Variants in CAMTA1 observed in about 807,000 individuals in gnomAD.
CAMTA1 encodes calmodulin binding transcription activator 1.
CAMTA1 carries 27 observed loss-of-function variants against 170.9 expected under a neutral mutation model. The observed-to-expected ratio is 0.16, with a 90% confidence interval of 0.12 to 0.22. CAMTA1 has a LOEUF of 0.22. Among genes scored for constraint, CAMTA1 ranks in the 10% least tolerant of loss-of-function variants. CAMTA1 has a pLI of 1.00. For synonymous variants in CAMTA1, 833 were observed against 891.5 expected, an observed-to-expected ratio of 0.93 and a Z score of 1.17; for missense variants, 1,619 against 2,217.2, an observed-to-expected ratio of 0.73 and a Z score of 5.42.
chr1:7,720,005 C>G (rs371211996), intron 11 of CAMTA1, among the ~76,000 whole-genome samples: 1 of 152,238 alleles, frequency 6.6e-6, no homozygotes, highest in Admixed American at 6.5e-5. Flanking sequence ...TTGACGATTG[C>G]TTCTTCATTC....
At chr1:7,637,288 G>A (rs1268829908) in intron 6 of CAMTA1, among the ~76,000 whole-genome samples, 3 of 152,224 alleles carry the variant, frequency 2.0e-5, no homozygotes, top group East Asian at 1.9e-4. Context: ...TGGCATCTCC[G>A]CTCCCTCCTG....
At chr1:6,972,083 AG>A (rs1692641908) in intron 3 of CAMTA1, among the ~76,000 whole-genome samples, 1 of 152,218 alleles carries the variant, frequency 6.6e-6, no homozygotes. Context: ...GAACTGGGTC[AG>A]AAGTGTCCTT....
At chr1:7,161,982 G>C (rs6678950) in intron 4 of CAMTA1, among the ~76,000 whole-genome samples, 99,785 of 152,080 alleles carry the variant, frequency 0.66, 33,371 homozygotes, top group African/African-American at 0.77. Context: ...AGATCCTCTC[G>C]CCTGAGAATA....
chr1:7,253,254 T>C (rs1247579803), intron 5 of CAMTA1, among the ~76,000 whole-genome samples: 1 of 152,178 alleles, frequency 6.6e-6, no homozygotes, highest in African/African-American at 2.4e-5. Flanking sequence ...GAGCTGGATG[T>C]GAAGCATCAC....
intron 4 of CAMTA1, among the ~76,000 whole-genome samples, chr1:7,102,209 A>G (rs982510447): frequency 1.3e-5 from 2 of 152,080 alleles, no homozygotes; most frequent in African/African-American, 4.8e-5. Flanking sequence ...TATACTGGCT[A>G]CTCCTGACCT....
At chr1:7,518,313 T>C (rs1208846487) in intron 6 of CAMTA1, among the ~76,000 whole-genome samples, 14 of 151,934 alleles carry the variant, frequency 9.2e-5, no homozygotes, top group Admixed American at 9.2e-4. Flanking sequence ...AGCTGCCCTA[T>C]GGCTTCCATC....
At position 7,226,208 on chromosome 1, in the gene CAMTA1, A is replaced by G. The variant is rs547429825; in HGVS notation, c.303-23283A>G. Among the ~76,000 whole-genome samples the G allele has an allele frequency of 5.9e-5, 9 of 152,300 alleles. No individual in the cohort carries two copies. The Middle Eastern group carries it at 0.01, about 173-fold the overall frequency. ...GGCCAAGGTTTATTGCAGTAAAAGG[A>G]GGTGACACAAAGCTCACTGCCTCCC... is the stretch of plus-strand genomic sequence containing the variant. On this transcript the variant is annotated intron_variant, in intron 4 of 22. Transcript: ENST00000303635.
chr1:6,794,398 C>T (rs1242295103), intron 1 of CAMTA1, among the ~76,000 whole-genome samples: 1 of 152,086 alleles, frequency 6.6e-6, no homozygotes, highest in Non-Finnish European at 1.5e-5. Flanking sequence ...GAGATGATCT[C>T]TTCACATTTT....
At chr1:7,256,955 G>A (rs915665704) in intron 5 of CAMTA1, among the ~76,000 whole-genome samples, 4 of 152,126 alleles carry the variant, frequency 2.6e-5, no homozygotes, top group African/African-American at 9.7e-5. Context: ...CATGGTGGGA[G>A]GGCAGGAGGA....
chr1:6,978,187 T>C (rs771723107), intron 3 of CAMTA1, among the ~76,000 whole-genome samples: 1 of 152,164 alleles, frequency 6.6e-6, no homozygotes, highest in Non-Finnish European at 1.5e-5. Context: ...GAGTCAATAA[T>C]AACTTAATTG....
At chr1:6,902,357 A>G (rs970902119) in intron 3 of CAMTA1, among the ~76,000 whole-genome samples, 1 of 152,218 alleles carries the variant, frequency 6.6e-6, no homozygotes, top group Non-Finnish European at 1.5e-5. Flanking sequence ...TGAATAAGCA[A>G]CTTCATTGGA....
rs139496784 is a variant in CAMTA1, at chr1:7,337,537, C to T, written c.438+87911C>T. On this transcript the variant is annotated intron_variant, in intron 5 of 22. Transcript: ENST00000303635. ...GGGCTCATCCAATCACAGTGTGGGC[C>T]GTGGGCTGCATCCAATCACAGTGTG... 1.1e-4 allele frequency among the ~76,000 whole-genome samples: 13 copies of T among 113,136 alleles called. No individual in the cohort carries two copies. The East Asian group carries it at 2.8e-3, about 24-fold the overall frequency. 74.2% of individuals were successfully genotyped at this position (113,136 alleles called of 152,430 possible).
chr1:7,569,217 C>T (rs777589922), intron 6 of CAMTA1, among the ~76,000 whole-genome samples: 1 of 150,244 alleles, frequency 6.7e-6, no homozygotes, highest in African/African-American at 2.5e-5. Context: ...CCATTACCAC[C>T]ATCATCCATC....
chr1:7,695,511 G>T (rs1374933188), intron 11 of CAMTA1, among the ~76,000 whole-genome samples: 2 of 152,208 alleles, frequency 1.3e-5, no homozygotes, highest in African/African-American at 4.8e-5. Flanking sequence ...GGGTGGGGCT[G>T]CGTTTCTTGT....
chr1:7,460,510 A>G (rs1011690956), intron 5 of CAMTA1, among the ~76,000 whole-genome samples: 2 of 152,058 alleles, frequency 1.3e-5, no homozygotes, highest in Non-Finnish European at 2.9e-5. Context: ...AGTTACTCAC[A>G]TGGGATCTGG....
At chr1:7,698,087 C>CG (rs2096397610) in intron 11 of CAMTA1, among the ~76,000 whole-genome samples, 1 of 119,102 alleles carries the variant, frequency 8.4e-6, no homozygotes. Context: ...CCCCCCCCCC[C>CG]CACCAACATG....
chr1:7,236,899 A>G (rs926488159), intron 4 of CAMTA1, among the ~76,000 whole-genome samples: 6 of 152,218 alleles, frequency 3.9e-5, no homozygotes, highest in Non-Finnish European at 5.9e-5. Flanking sequence ...CTCATTTTCC[A>G]ACTGCCCACT....
chr1:7,714,721 C>A (rs901976788), intron 11 of CAMTA1, among the ~76,000 whole-genome samples: 1 of 152,218 alleles, frequency 6.6e-6, no homozygotes, highest in South Asian at 2.1e-4. Flanking sequence ...GGAGTTTCAC[C>A]ATGTTGGTCA....
chr1:6,898,251 TAGA>T (rs1676087321), intron 3 of CAMTA1, among the ~76,000 whole-genome samples: 1 of 152,082 alleles, frequency 6.6e-6, no homozygotes, highest in Non-Finnish European at 1.5e-5. Flanking sequence ...GATACAGTGA[TAGA>T]AGGAGAGAGA....
Sources: gnomAD v4.1 joint callset for allele counts (sites outside exome capture counted in the v4.1 genomes callset) on GRCh38, gnomAD v4.1.1 for gene constraint, MANE v1.5 for transcripts, NCBI Gene and HGNC (gene_info 2026-07-23, HGNC 2026-07-21) for gene names.